MAST4: variants seen among roughly 807,000 people sequenced by gnomAD.
MAST4 encodes microtubule-associated serine/threonine-protein kinase 4.
A neutral mutation model predicts 162.7 loss-of-function variants in MAST4; 89 were observed. The observed-to-expected ratio is 0.55, with a 90% CI of 0.46 to 0.65. The LOEUF is 0.65. Among genes scored for constraint, MAST4 ranks in the 30% least tolerant of loss-of-function variants. The pLI is 0.00. For missense variants in MAST4, 3,153 were observed against 3,374.0 expected, an observed-to-expected ratio of 0.93 and a Z score of 1.62; for synonymous variants, 1,479 against 1,361.1, an observed-to-expected ratio of 1.09 and a Z score of -1.91.
intron 1 of MAST4, among the ~76,000 whole-genome samples, chr5:66,681,497 A>G (rs1748325606): frequency 6.6e-6 from 1 of 152,140 alleles, no homozygotes. Context: ...GGTGGGGGTG[A>G]CTCAGCACCC....
At chr5:67,127,268 ATGC>A (rs1274369100) in intron 14 of MAST4, among the ~76,000 whole-genome samples, 2 of 152,168 alleles carry the variant, frequency 1.3e-5, no homozygotes, top group Admixed American at 1.3e-4. Context: ...TTCCAATGCT[ATGC>A]TGAATAGGAG....
intron 4 of MAST4, among the ~76,000 whole-genome samples, chr5:66,969,535 G>A (rs1245122155): frequency 6.6e-6 from 1 of 152,198 alleles, no homozygotes; most frequent in Non-Finnish European, 1.5e-5. Context: ...AAGGTAGACA[G>A]CACCTTAACA....
chr5:67,021,168 T>C (rs1753932357), intron 4 of MAST4, among the ~76,000 whole-genome samples: 1 of 152,208 alleles, frequency 6.6e-6, no homozygotes, highest in Admixed American at 6.5e-5. Flanking sequence ...TCTACAGCCC[T>C]ACCCCACTTC....
chr5:67,094,082 G>T, intron 6 of MAST4: 4 of 853,914 alleles, frequency 4.7e-6, no homozygotes, highest in Non-Finnish European at 7.1e-6. Context: ...CTTTTATCTG[G>T]TATATTTACA....
At chr5:67,018,207 G>A (rs563346178) in intron 4 of MAST4, among the ~76,000 whole-genome samples, 3 of 152,102 alleles carry the variant, frequency 2.0e-5, no homozygotes, top group Non-Finnish European at 4.4e-5. Flanking sequence ...TGAAAGATAA[G>A]CAAACTAAAT....
At chr5:67,114,273 T>C (rs1766616633) in intron 12 of MAST4, 54 bp downstream of exon 12, 2 of 1,565,126 alleles carry the variant, frequency 1.3e-6, no homozygotes, top group African/African-American at 2.8e-5. Context: ...TGTCGCCTCA[T>C]AGAAGAAATC....
chr5:66,656,404 C>G (rs577010962), intron 1 of MAST4, among the ~76,000 whole-genome samples: 2 of 152,302 alleles, frequency 1.3e-5, no homozygotes, highest in South Asian at 4.1e-4. Flanking sequence ...TCATTAAATT[C>G]TACATTTAAC....
intron 1 of MAST4, among the ~76,000 whole-genome samples, chr5:66,664,243 C>T (rs1010906018): frequency 6.6e-6 from 1 of 151,868 alleles, no homozygotes; most frequent in Admixed American, 6.6e-5. Flanking sequence ...CAAGACCAGC[C>T]TGGCCAACAT....
intron 2 of MAST4, among the ~76,000 whole-genome samples, chr5:66,775,387 A>G (rs893689940): frequency 1.7e-4 from 26 of 152,118 alleles, no homozygotes; most frequent in Non-Finnish European, 4.4e-5. Context: ...TTACTATAAA[A>G]CATGAGGCAT....
At position 67,131,717 on chromosome 5, in the gene MAST4, G is replaced by A. The variant is rs1402872905; in HGVS notation, c.1955-96G>A. The stretch of plus-strand genomic sequence containing the variant: ...TGACTATGATATGCTGTGTCTATGG[G>A]TAGAGATGATTTCACCTTGAAATTC... On this transcript the variant is annotated intron_variant, in intron 15 of 28. Transcript: ENST00000403625. The A allele has an allele frequency of 6.4e-6, 8 of 1,245,082 alleles. No homozygotes were observed. The Admixed American group carries it at 7.8e-5, about 12-fold the overall frequency. 77.1% of individuals were successfully genotyped at this position (1,245,082 alleles called of 1,614,324 possible).
At chr5:66,713,282 T>G (rs189259646) in intron 1 of MAST4, among the ~76,000 whole-genome samples, 10 of 152,334 alleles carry the variant, frequency 6.6e-5, no homozygotes, top group African/African-American at 1.9e-4. Context: ...CAAACAGCCC[T>G]GTACCTTTCC....
At chr5:67,149,086 A>T (rs1426432996) in intron 23 of MAST4, among the ~76,000 whole-genome samples, 1 of 152,186 alleles carries the variant, frequency 6.6e-6, no homozygotes, top group South Asian at 2.1e-4. Context: ...GGTTTCAAAA[A>T]TATAGATTGT....
At chr5:66,959,084 A>T in intron 4 of MAST4, 1 of 623,294 alleles carries the variant, frequency 1.6e-6, no homozygotes, top group Non-Finnish European at 2.9e-6. Context: ...TCTCTTGATT[A>T]CGGCTAGAGG....
Position 67,164,265 on chromosome 5 carries a change from G to T in MAST4, c.5086G>T (p.Glu1696Ter). The T allele has an allele frequency of 6.2e-7, 1 of 1,614,026 alleles. No individual in the cohort carries two copies. Among genetic ancestry groups the T allele is most frequent in the Non-Finnish European group, 8.5e-7 (1 of 1,179,886 alleles). The change falls in exon 29 of 29, where the codon GAG (glutamate) becomes TAG (stop). Residue 1696 changes from glutamate to a stop codon, truncating the protein, a stop_gained. Coordinates refer to ENST00000403625, the MANE Select transcript of MAST4 (RefSeq NM_001164664.2). LOFTEE classifies it low-confidence loss of function (END_TRUNC). This position sits in a 1 kb window ranked among gnomAD's most constrained non-coding sequence, Gnocchi z 5.3. The part of the protein sequence containing the change: ...IDYLRKKMSL[E>*]DKEDNLCPVL... ...TTACCTCCGAAAGAAAATGTCACTT[G>T]AGGACAAAGAGGACAACCTCTGCCC...
intron 3 of MAST4, among the ~76,000 whole-genome samples, chr5:66,877,923 T>C (rs1033003579): frequency 6.6e-6 from 1 of 152,062 alleles, no homozygotes; most frequent in African/African-American, 2.4e-5. Context: ...TTGCTAGAGG[T>C]ATCAGGCGTT....
intron 4 of MAST4, among the ~76,000 whole-genome samples, chr5:66,943,418 G>A (rs573293759): frequency 1.5e-3 from 235 of 152,154 alleles, no homozygotes; most frequent in African/African-American, 5.4e-3. Flanking sequence ...ATATTTAAAG[G>A]TGCTTCCCCA....
chr5:67,116,471 G>A (rs1012911009), intron 12 of MAST4, among the ~76,000 whole-genome samples: 1 of 151,652 alleles, frequency 6.6e-6, no homozygotes, highest in Non-Finnish European at 1.5e-5. Flanking sequence ...CTCCCAAAGT[G>A]CTGGGATTAC....
Position 66,856,967 on chromosome 5 carries a change from C to T in MAST4, c.643-42984C>T, listed in dbSNP as rs529849371. ...TTAAAGTTTACATTTTGTCATTTTTCTTCAGAGAGTACTCTTTATAAAAGC... is the reference window on the plus strand; with the variant it reads ...TTAAAGTTTACATTTTGTCATTTTTTTTCAGAGAGTACTCTTTATAAAAGC... On this transcript the variant is annotated intron_variant, in intron 3 of 28. Coordinates refer to ENST00000403625, the MANE Select transcript of MAST4 (RefSeq NM_001164664.2). Among the ~76,000 whole-genome samples the T allele has an allele frequency of 5.3e-5, 8 of 152,290 alleles. No homozygotes were observed. In the South Asian group the frequency reaches 1.2e-3, roughly 24 times the overall value.
Position 66,663,376 on chromosome 5 carries a change from A to G in MAST4, c.363+66358A>G, listed in dbSNP as rs78596340. On this transcript the variant is annotated intron_variant, in intron 1 of 28. Transcript: ENST00000403625. ...CCTGCCTTCATGGAGTTTCAAATGC[A>G]GAAAGGAGACAATTAAACTTAATTT... Among the ~76,000 whole-genome samples the G allele has an allele frequency of 9.2e-3, 1,398 of 152,336 alleles. 7 individuals are homozygous for G. The highest frequency in any genetic ancestry group is 0.02 in the Middle Eastern group (6 of 294).
Sources: gnomAD v4.1 joint callset for allele counts (sites outside exome capture counted in the v4.1 genomes callset) on GRCh38, gnomAD v4.1.1 for gene constraint, Gnocchi (gnomAD v3.1) non-coding constraint, MANE v1.5 for transcripts, NCBI Gene and HGNC (gene_info 2026-07-23, HGNC 2026-07-21) for gene names.